Variants in MAEL observed in about 807,000 individuals in gnomAD.
MAEL encodes maelstrom spermatogenic transposon silencer.
Under a neutral mutation model 62.0 loss-of-function variants are expected in MAEL, and 46 were observed. That is an observed-to-expected ratio of 0.74 (90% CI 0.59 to 0.95). The LOEUF is 0.95. Among genes scored for constraint, MAEL ranks in the 40% least tolerant of loss-of-function variants. MAEL has a pLI of 0.00. For synonymous variants in MAEL, 172 were observed against 175.5 expected (o/e 0.98, Z 0.16); for missense variants, 497 against 526.8 (o/e 0.94, Z 0.55).
intron 8 of MAEL, among the ~76,000 whole-genome samples, chr1:167,012,063 A>C (rs1665191247): frequency 6.6e-6 from 1 of 152,216 alleles, no homozygotes; most frequent in Admixed American, 6.5e-5. Context: ...GCTTCATAAC[A>C]TAATAAGATT....
intron 6 of MAEL, 111 bp from the exon 7 acceptor site, chr1:167,004,965 C>T: frequency 3.2e-6 from 3 of 937,192 alleles, no homozygotes; most frequent in East Asian, 2.7e-5. Flanking sequence ...TCTCCTGTGC[C>T]CCCTACCTCC....
At position 166,989,310 on chromosome 1, in the gene MAEL, G is replaced by T. The variant is rs572864312; in HGVS notation, c.-43G>T. On this transcript the variant is annotated 5_prime_UTR_variant, in exon 1 of 12. Transcript: ENST00000367872. ...GGGCGGGAGCCCGGCGAGGGCGCCG[G>T]TGCTTTGTTCTGTCTGAGGCCAGGA... The T allele has an allele frequency of 1.3e-6, 2 of 1,588,750 alleles. No individual in the cohort carries two copies. Among genetic ancestry groups the T allele is most frequent in the African/African-American group, 2.7e-5 (2 of 74,528 alleles).
intron 8 of MAEL, among the ~76,000 whole-genome samples, chr1:167,014,103 T>C (rs2102123293): frequency 6.6e-6 from 1 of 152,326 alleles, no homozygotes; most frequent in South Asian, 2.1e-4. Context: ...TCAGTTACCA[T>C]TTATTTTATT....
Position 167,005,240 on chromosome 1 carries a change from CATTT to C in MAEL, c.704-14_704-11del, listed in dbSNP as rs758965895. On this transcript the variant is annotated splice_polypyrimidine_tract_variant and intron_variant, in intron 7 of 11. Transcript: ENST00000367872. ...AATTTACTAATTGTATGTGTTTTTCCATTTACTAATGGAAGAAATCAGGCAAGAT... is the reference window on the plus strand; with the variant it reads ...AATTTACTAATTGTATGTGTTTTTCCACTAATGGAAGAAATCAGGCAAGAT... 1.9e-6 allele frequency: 3 copies of C among 1,611,268 alleles called. No homozygotes were observed. Among genetic ancestry groups the C allele is most frequent in the Non-Finnish European group, 2.5e-6 (3 of 1,178,904 alleles).
rs115389089 is a variant in MAEL, at chr1:166,981,926, T to C, written c.-121+6260T>C. 8.4e-3 allele frequency among the ~76,000 whole-genome samples: 1,278 copies of C among 152,304 alleles called. 25 individuals are homozygous for C. Among genetic ancestry groups the C allele is most frequent in the African/African-American group, 0.03 (1,228 of 41,560 alleles). ...TCAGACCTGTGTCCCAACCAAGTTATTCTGGCCACAGGGTGTAGGATGAAT... is the reference window on the plus strand; with the variant it reads ...TCAGACCTGTGTCCCAACCAAGTTACTCTGGCCACAGGGTGTAGGATGAAT... On this transcript the variant is annotated intron_variant, in intron 1 of 12. Transcript: ENST00000622874.
At chr1:167,004,109 C>G (rs1346271960) in intron 5 of MAEL, 71 bp from the exon 6 acceptor site, 6 of 1,348,992 alleles carry the variant, frequency 4.4e-6, no homozygotes, top group Non-Finnish European at 6.2e-6. Flanking sequence ...TTCTTGTACC[C>G]CCACTTCTAT....
Position 166,989,307 on chromosome 1 carries a change from C to T in MAEL, c.-46C>T, listed in dbSNP as rs200229017. ...TTAGGGCGGGAGCCCGGCGAGGGCGCCGGTGCTTTGTTCTGTCTGAGGCCA... is the reference window on the plus strand; with the variant it reads ...TTAGGGCGGGAGCCCGGCGAGGGCGTCGGTGCTTTGTTCTGTCTGAGGCCA... On this transcript the variant is annotated 5_prime_UTR_variant, in exon 1 of 12. Coordinates refer to ENST00000367872, the MANE Select transcript of MAEL (RefSeq NM_032858.3). The T allele has an allele frequency of 4.4e-5, 69 of 1,582,352 alleles. No homozygotes were observed. The highest frequency in any genetic ancestry group is 4.0e-4 in the Admixed American group (22 of 55,590).
chr1:166,978,770 G>A (rs976487170), intron 1 of MAEL, among the ~76,000 whole-genome samples: 1 of 152,186 alleles, frequency 6.6e-6, no homozygotes, highest in Non-Finnish European at 1.5e-5. Flanking sequence ...CATTCATTCT[G>A]ACCTAATAGG....
Position 166,992,962 on chromosome 1 carries a change from A to G in MAEL, c.481+121A>G, listed in dbSNP as rs1015335098. ...CATGTACAGCTGTGTTCTTAATGTAACAAGACTTCATAATGCTTATTGAAA... is the reference window on the plus strand; with the variant it reads ...CATGTACAGCTGTGTTCTTAATGTAGCAAGACTTCATAATGCTTATTGAAA... On this transcript the variant is annotated intron_variant, in intron 4 of 11. Coordinates refer to ENST00000367872, the MANE Select transcript of MAEL (RefSeq NM_032858.3). 8.6e-6 allele frequency: 7 copies of G among 811,112 alleles called. No individual in the cohort carries two copies. In the Admixed American group the frequency reaches 2.2e-4, roughly 25 times the overall value. 50.2% of individuals were successfully genotyped at this position (811,112 alleles called of 1,614,324 possible).
chr1:166,992,353 A>G (rs376538709), intron 3 of MAEL, among the ~76,000 whole-genome samples: 6 of 152,282 alleles, frequency 3.9e-5, no homozygotes, highest in South Asian at 4.1e-4. Context: ...CCAGACCTAT[A>G]TATTTGTTGA....
At chr1:166,992,201 A>C (rs1399367572) in intron 3 of MAEL, among the ~76,000 whole-genome samples, 1 of 152,156 alleles carries the variant, frequency 6.6e-6, no homozygotes, top group African/African-American at 2.4e-5. Flanking sequence ...ATAACACTTC[A>C]CACATTCTCA....
At position 166,995,085 on chromosome 1, in the gene MAEL, T is replaced by C. The variant is rs140450896; in HGVS notation, c.523+1016T>C. On this transcript the variant is annotated intron_variant, in intron 5 of 11. Transcript: ENST00000367872. The stretch of plus-strand genomic sequence containing the variant: ...TGCCACAACCAGCAGCTATAATACT[T>C]ACAACACTGTTCTTTATAAATGAAC... Among the ~76,000 whole-genome samples the C allele has an allele frequency of 2.2e-3, 340 of 151,982 alleles. 3 individuals carry two copies. Among genetic ancestry groups the C allele is most frequent in the African/African-American group, 7.8e-3 (324 of 41,446 alleles).
chr1:166,998,585 G>A (rs1445420166), intron 5 of MAEL, among the ~76,000 whole-genome samples: 1 of 152,046 alleles, frequency 6.6e-6, no homozygotes, highest in African/African-American at 2.4e-5. Context: ...CTAGTTTCTA[G>A]TGTTTCGCCA....
At chr1:166,979,737 T>C (rs1039981294) in intron 1 of MAEL, among the ~76,000 whole-genome samples, 4 of 152,214 alleles carry the variant, frequency 2.6e-5, no homozygotes, top group African/African-American at 9.7e-5. Context: ...ACTGCAGTGG[T>C]GCTGGGTGCT....
chr1:167,021,991 T>C lies in MAEL; in HGVS notation c.*136T>C. On this transcript the variant is annotated 3_prime_UTR_variant, in exon 12 of 12. Coordinates refer to ENST00000367872, the MANE Select transcript of MAEL (RefSeq NM_032858.3). ...CTTAATTTGTAAGGAAATTGTTTCA[T>C]AGATTTAAAAAAATTGTGGTTGGAG... The C allele has an allele frequency of 4.8e-6, 3 of 628,778 alleles. No individual in the cohort carries two copies. Among genetic ancestry groups the C allele is most frequent in the East Asian group, 3.1e-5 (1 of 32,682 alleles). 38.9% of individuals were successfully genotyped at this position (628,778 alleles called of 1,614,324 possible). A position where few individuals can be genotyped will look rare whatever the true frequency, so the allele number is the denominator to read the frequency against.
intron 1 of MAEL, among the ~76,000 whole-genome samples, chr1:166,981,963 G>C (rs183776887): frequency 4.8e-4 from 73 of 152,314 alleles, no homozygotes; most frequent in African/African-American, 1.7e-3. Context: ...GATGGAGACA[G>C]AGACAACAGA....
At chr1:166,989,532 C>A in intron 1 of MAEL, 48 bp downstream of exon 1, 1 of 1,564,202 alleles carries the variant, frequency 6.4e-7, no homozygotes, top group Admixed American at 1.9e-5. Context: ...GTTGGGCAAG[C>A]CGGAGGGTGA....
upstream of MAEL, among the ~76,000 whole-genome samples, chr1:166,984,998 A>G (rs1348144829): frequency 6.6e-6 from 1 of 152,238 alleles, no homozygotes; most frequent in African/African-American, 2.4e-5. Context: ...GAATGTATCC[A>G]GTAGCTTGAA....
chr1:167,017,530 C>T (rs990760642), intron 9 of MAEL, among the ~76,000 whole-genome samples: 5 of 152,178 alleles, frequency 3.3e-5, no homozygotes, highest in Non-Finnish European at 7.4e-5. Context: ...ATTTCTGCCG[C>T]TGCCCTCTCC....
Sources: gnomAD v4.1 joint callset for allele counts (sites outside exome capture counted in the v4.1 genomes callset) on GRCh38, gnomAD v4.1.1 for gene constraint, MANE v1.5 for transcripts, NCBI Gene and HGNC (gene_info 2026-07-23, HGNC 2026-07-21) for gene names.